Variants in STX8 observed in about 807,000 individuals in gnomAD.
STX8 encodes the protein syntaxin 8.
STX8 carries 23 observed loss-of-function variants against 37.5 expected under a neutral mutation model. The ratio of observed to expected loss-of-function variants is 0.61; its 90% CI spans 0.44 to 0.87. The LOEUF (loss-of-function observed/expected upper bound fraction) is 0.87. Ranked by LOEUF, STX8 falls within the 40% of genes least tolerant of loss-of-function variation. The pLI, the probability that STX8 is intolerant of heterozygous loss-of-function variation, is 0.00. For synonymous variants in STX8, 115 were observed against 99.1 expected (o/e 1.16, Z -0.95); for missense variants, 313 against 284.7 (o/e 1.10, Z -0.71).
intron 7 of STX8, among the ~76,000 whole-genome samples, chr17:9,307,836 C>T (rs1434773244): frequency 1.3e-5 from 2 of 152,146 alleles, no homozygotes; most frequent in East Asian, 3.9e-4. Flanking sequence ...AATTCCTCTT[C>T]CCAGAGGCTG....
chr17:9,572,982 C>G (rs1005324743), intron 1 of STX8, among the ~76,000 whole-genome samples: 5 of 152,050 alleles, frequency 3.3e-5, no homozygotes, highest in African/African-American at 7.2e-5. Context: ...TTATTTCCTA[C>G]TTGATTTGTA....
chr17:9,486,762 G>A (rs1906617466), intron 6 of STX8, among the ~76,000 whole-genome samples: 1 of 152,162 alleles, frequency 6.6e-6, no homozygotes. Context: ...AGGAGGCTGA[G>A]GTGGGAGGAT....
chr17:9,389,381 GATACCCTGCTTCCTGGTC>G (rs1294892437), intron 6 of STX8, among the ~76,000 whole-genome samples: 2 of 152,214 alleles, frequency 1.3e-5, no homozygotes, highest in East Asian at 3.8e-4. Context: ...AAGAGAAACT[GATACCCTGCTTCCTGGTC>G]AGTACTTGCA....
At chr17:9,464,312 A>T (rs553385573) in intron 6 of STX8, among the ~76,000 whole-genome samples, 1 of 152,206 alleles carries the variant, frequency 6.6e-6, no homozygotes, top group Non-Finnish European at 1.5e-5. Context: ...TGATCTTTCA[A>T]TTATGACATG....
intron 6 of STX8, among the ~76,000 whole-genome samples, chr17:9,465,195 C>CT (rs199749909): frequency 0.05 from 7,339 of 145,670 alleles, 575 homozygotes; most frequent in African/African-American, 0.17. Flanking sequence ...CTTGAAGTTG[C>CT]TTTTTTTTTT....
At chr17:9,252,278 A>G (rs1175444828) in intron 7 of STX8, among the ~76,000 whole-genome samples, 1 of 152,154 alleles carries the variant, frequency 6.6e-6, no homozygotes, top group African/African-American at 2.4e-5. Flanking sequence ...CCCCATCTCT[A>G]CTAAAAGTAC....
At chr17:9,383,467 C>T (rs1056742066) in intron 6 of STX8, among the ~76,000 whole-genome samples, 25 of 152,168 alleles carry the variant, frequency 1.6e-4, no homozygotes, top group Non-Finnish European at 1.2e-4. Context: ...CGAAAGGGAA[C>T]TTCTTCAGCC....
At chr17:9,383,261 A>G (rs142946037) in intron 6 of STX8, among the ~76,000 whole-genome samples, 2 of 152,324 alleles carry the variant, frequency 1.3e-5, no homozygotes, top group East Asian at 1.9e-4. Flanking sequence ...ACCTAGCACA[A>G]AAGTTTTTAG....
chr17:9,335,661 T>C (rs1910111324), intron 7 of STX8, among the ~76,000 whole-genome samples: 1 of 152,222 alleles, frequency 6.6e-6, no homozygotes, highest in Non-Finnish European at 1.5e-5. Flanking sequence ...TTTTCTACAG[T>C]AAATTGATTA....
At chr17:9,301,445 T>C (rs550208143) in intron 7 of STX8, among the ~76,000 whole-genome samples, 1 of 151,714 alleles carries the variant, frequency 6.6e-6, no homozygotes, top group Non-Finnish European at 1.5e-5. Flanking sequence ...TTGGGCACAG[T>C]GCTTTACTTT....
intron 6 of STX8, among the ~76,000 whole-genome samples, chr17:9,424,825 A>G (rs1219365793): frequency 6.6e-6 from 1 of 152,242 alleles, no homozygotes; most frequent in African/African-American, 2.4e-5. Flanking sequence ...CACTTTGTAT[A>G]TCTTCCGAGG....
intron 4 of STX8, among the ~76,000 whole-genome samples, chr17:9,529,974 T>C (rs1003216365): frequency 1.3e-5 from 2 of 151,174 alleles, no homozygotes; most frequent in Non-Finnish European, 3.0e-5. Flanking sequence ...CTGGGCAACG[T>C]AGCAAGACCC....
At chr17:9,432,931 A>G (rs1394522432) in intron 6 of STX8, among the ~76,000 whole-genome samples, 1 of 152,136 alleles carries the variant, frequency 6.6e-6, no homozygotes, top group Non-Finnish European at 1.5e-5. Flanking sequence ...AGTTTAGAAC[A>G]TTTTCCTCCA....
At chr17:9,348,960 T>C (rs1910615584) in intron 7 of STX8, among the ~76,000 whole-genome samples, 1 of 152,180 alleles carries the variant, frequency 6.6e-6, no homozygotes, top group African/African-American at 2.4e-5. Flanking sequence ...ACTCTACAAA[T>C]ACTATCTTTT....
intron 7 of STX8, among the ~76,000 whole-genome samples, chr17:9,317,521 T>A (rs1341506937): frequency 3.3e-5 from 5 of 152,148 alleles, no homozygotes. Flanking sequence ...ATCCCAGCAC[T>A]TTGGGAGGCT....
At chr17:9,445,900 T>C (rs557479454) in intron 6 of STX8, among the ~76,000 whole-genome samples, 7 of 149,486 alleles carry the variant, frequency 4.7e-5, no homozygotes, top group Non-Finnish European at 7.4e-5. Flanking sequence ...TGCAGTGGTG[T>C]GATCTCAGCT....
intron 6 of STX8, among the ~76,000 whole-genome samples, chr17:9,438,912 G>C (rs900418187): frequency 1.3e-5 from 2 of 152,058 alleles, no homozygotes; most frequent in Admixed American, 6.6e-5. Flanking sequence ...CTAGGTGACA[G>C]AGCGAGACTC....
intron 7 of STX8, among the ~76,000 whole-genome samples, chr17:9,286,872 G>A (rs894934234): frequency 6.6e-6 from 1 of 152,116 alleles, no homozygotes; most frequent in Non-Finnish European, 1.5e-5. Context: ...GGTTCGAGCT[G>A]AGGCTATGCC....
intron 7 of STX8, among the ~76,000 whole-genome samples, chr17:9,304,507 CAAA>C (rs35673905): frequency 1.8e-5 from 1 of 56,884 alleles, no homozygotes; most frequent in Non-Finnish European, 3.2e-5. Flanking sequence ...GAAACTGTCT[CAAA>C]AAAAAAAAAA....
Sources: allele counts gnomAD v4.1 joint callset (sites outside exome capture counted in the v4.1 genomes callset), GRCh38; gene constraint gnomAD v4.1.1; transcripts MANE v1.5; gene names NCBI Gene and HGNC (gene_info 2026-07-23, HGNC 2026-07-21).